The following C11orf91 variants were observed in gnomAD, a reference collection of about 807,000 sequenced individuals.
C11orf91 encodes chromosome 11 open reading frame 91, also known as uncharacterized protein C11orf91.
A neutral mutation model predicts 14.3 loss-of-function variants in C11orf91; 10 were observed. The observed-to-expected ratio is 0.70, with a 90% CI of 0.43 to 1.18. C11orf91 has a LOEUF of 1.18. Among genes scored for constraint, C11orf91 ranks in the 50% most tolerant of loss-of-function variants. The pLI is 0.00. For missense variants in C11orf91, 236 were observed against 269.0 expected (o/e 0.88, Z 0.86); for synonymous variants, 141 against 130.6 (o/e 1.08, Z -0.54).
upstream of C11orf91, chr11:33,703,487 C>G (rs1295127477): frequency 2.6e-5 from 4 of 152,246 alleles, no homozygotes; most frequent in African/African-American, 9.6e-5. Context: ...TAAGTACCAT[C>G]CTGTTGGAGC....
At chr11:33,699,332 C>T (rs1853082080) in intron 1 of C11orf91, among the ~76,000 whole-genome samples, 1 of 152,168 alleles carries the variant, frequency 6.6e-6, no homozygotes, top group African/African-American at 2.4e-5. Flanking sequence ...CTTCCCTTCT[C>T]TGTGTGGCAG....
chr11:33,699,004 G>A (rs1482958265), intron 1 of C11orf91, among the ~76,000 whole-genome samples: 4 of 151,846 alleles, frequency 2.6e-5, no homozygotes, highest in Admixed American at 2.0e-4. Flanking sequence ...GGTCCTCAAT[G>A]ATCCTCTTGT....
upstream of C11orf91, chr11:33,704,431 G>A (rs889351923): frequency 3.9e-5 from 6 of 152,082 alleles, no homozygotes; most frequent in African/African-American, 1.4e-4. Context: ...GATGAATGAG[G>A]AAAATGCAGC....
upstream of C11orf91, chr11:33,703,739 TC>T (rs962103760): frequency 3.3e-5 from 5 of 152,132 alleles, no homozygotes; most frequent in African/African-American, 1.2e-4. Context: ...CAGGACTGAT[TC>T]TTCCTCCAGC....
chr11:33,700,958 T>C (rs1590498048), upstream of C11orf91, among the ~76,000 whole-genome samples: 2 of 152,058 alleles, frequency 1.3e-5, no homozygotes, highest in South Asian at 2.1e-4. Context: ...CACCCCGCAG[T>C]TAGAAAGCCA....
chr11:33,706,094 C>T, the C11orf91 span: 1 of 152,066 alleles, frequency 6.6e-6, no homozygotes, highest in African/African-American at 2.4e-5. Flanking sequence ...AGTTCAGTCC[C>T]CTGCTGGGTG....
chr11:33,700,525 C>CCG lies in C11orf91; in HGVS notation c.215_216insCG (p.Ala73GlyfsTer98). The CCG allele has an allele frequency of 1.9e-6, 1 of 526,468 alleles. No individual in the cohort carries two copies. Among genetic ancestry groups the CCG allele is most frequent in the Non-Finnish European group, 2.7e-6 (1 of 373,428 alleles). 32.6% of individuals were successfully genotyped at this position (526,468 alleles called of 1,614,324 possible). On this transcript the variant is annotated frameshift_variant, in exon 1 of 2. Coordinates refer to ENST00000379011, the MANE Select transcript of C11orf91 (RefSeq NM_001166692.2). LOFTEE classifies it high-confidence loss of function. ...CGGGTGGTGGCGGGGGCGGGGGCGCCGGGGCGGGGAGCGCCTGGGACAGGG... is the reference window on the plus strand; with the variant it reads ...CGGGTGGTGGCGGGGGCGGGGGCGCCCGGGGGCGGGGAGCGCCTGGGACAGGG...
At chr11:33,701,451 A>G (rs1012960856), upstream of C11orf91, among the ~76,000 whole-genome samples, 5 of 152,344 alleles carry the variant, frequency 3.3e-5, no homozygotes, top group African/African-American at 1.2e-4. Flanking sequence ...AAACACAGAT[A>G]TCACCAGGAG....
upstream of C11orf91, among the ~76,000 whole-genome samples, chr11:33,701,771 G>A (rs1853131957): frequency 6.6e-6 from 1 of 151,978 alleles, no homozygotes; most frequent in Non-Finnish European, 1.5e-5. Flanking sequence ...GTGTGTGTGT[G>A]TGTGTGTGTG....
upstream of C11orf91, chr11:33,702,816 T>G: frequency 4.0e-6 from 1 of 249,322 alleles, no homozygotes; most frequent in Non-Finnish European, 8.4e-6. Flanking sequence ...GACTCAAGAC[T>G]TGGGACCAAA....
chr11:33,699,699 G>A (rs1853088467), intron 1 of C11orf91: 4 of 453,608 alleles, frequency 8.8e-6, no homozygotes, highest in Admixed American at 4.7e-5. Flanking sequence ...GTCCCAGGGG[G>A]GCTGCCCCCC....
rs1853108641 is a variant in C11orf91, at chr11:33,700,598, G to C, written c.143C>G (p.Pro48Arg). 2 of 1,462,888 alleles carry C rather than the reference G, an allele frequency of 1.4e-6. No homozygotes were observed. The highest frequency in any genetic ancestry group is 2.4e-5 in the Admixed American group (1 of 42,346). The allele number at this position is 1,462,888 out of a possible 1,614,324, so 90.6% of individuals were successfully genotyped here. A position where few individuals can be genotyped will look rare whatever the true frequency, so the allele number is the denominator to read the frequency against. The change falls in exon 1 of 2, where the codon CCG becomes CGG. Residue 48 changes from proline to arginine, a missense_variant. Pro to Arg is a moderately radical substitution (Grantham distance 103, BLOSUM62 -2). Coordinates refer to ENST00000379011, the MANE Select transcript of C11orf91 (RefSeq NM_001166692.2). ...CACTGGCGCCCCGCCCGCCTTCAGC[G>C]GCACGAAGAGCTTCTTCCAGATGTT... ...DFNIWKKLFV[P>R]LKAGGAPVGG...
rs2133498174 is a variant in C11orf91, at chr11:33,700,569, C to T, written c.172G>A (p.Gly58Arg). 1.4e-6 allele frequency: 2 copies of T among 1,452,276 alleles called. No homozygotes were observed. Among genetic ancestry groups the T allele is most frequent in the African/African-American group, 1.5e-5 (1 of 68,366 alleles). The allele number at this position is 1,452,276 out of a possible 1,614,324, so 90.0% of individuals were successfully genotyped here. ...PLKAGGAPVG[G>R]AAGARSLSQA... ...GACAGGGACCGGGCCCCCGCCGCCC[C>T]GCCCACTGGCGCCCCGCCCGCCTTC... The change falls in exon 1 of 2, where the codon GGG becomes AGG. Residue 58 changes from glycine to arginine, a missense_variant. Gly to Arg is a moderately radical substitution (Grantham distance 125, BLOSUM62 -2). Transcript: ENST00000379011.
upstream of C11orf91, chr11:33,702,575 A>G (rs1194140195): frequency 6.3e-6 from 1 of 158,538 alleles, no homozygotes; most frequent in Non-Finnish European, 1.4e-5. Context: ...TTGTCTTATC[A>G]CTTTTCTACA....
chr11:33,699,673 G>A, intron 1 of C11orf91: 1 of 456,056 alleles, frequency 2.2e-6, no homozygotes, highest in South Asian at 1.5e-5. Flanking sequence ...AGAACTACCG[G>A]CGCCAAGGCC....
upstream of C11orf91, chr11:33,702,624 A>G: frequency 5.1e-6 from 1 of 194,702 alleles, no homozygotes; most frequent in Non-Finnish European, 1.1e-5. Flanking sequence ...CTCTCAAGCC[A>G]CTTCTTTGGG....
rs1853061547 is a variant in C11orf91, at chr11:33,698,433, G to C, written c.578C>G (p.Ser193Cys). ...KQPGKKSASL[S>C] ...CAAGCTCTGGTAGGCAGCTCCTCAG[G>C]AGAGAGAGGCCGACTTCTTTCCAGG... The change falls in exon 2 of 2, where the codon TCC (serine) becomes TGC (cysteine). Residue 193 changes from serine to cysteine, a missense_variant. By Grantham distance (112) the Ser-to-Cys change is moderately radical. Coordinates refer to ENST00000379011, the MANE Select transcript of C11orf91 (RefSeq NM_001166692.2). 1 of 1,535,790 alleles carries C rather than the reference G, an allele frequency of 6.5e-7. No individual in the cohort carries two copies. Among genetic ancestry groups the C allele is most frequent in the African/African-American group, 1.4e-5 (1 of 73,124 alleles).
At chr11:33,699,748 A>AG (rs1346423937) in intron 1 of C11orf91, 11 of 412,844 alleles carry the variant, frequency 2.7e-5, no homozygotes, top group Non-Finnish European at 5.4e-5. Context: ...TGCCCTGGAA[A>AG]CGGCCTTGGG....
Position 33,700,608 on chromosome 11 carries a change from GCTT to G in C11orf91, c.130_132del (p.Lys44del), listed in dbSNP as rs1219782432. ...CCGCCCGCCTTCAGCGGCACGAAGA[GCTT>G]CTTCCAGATGTTGAAGTCGCTGAGC... On this transcript the variant is annotated inframe_deletion, in exon 1 of 2. Transcript: ENST00000379011. 30 of 1,472,344 alleles carry G rather than the reference GCTT, an allele frequency of 2.0e-5. No individual in the cohort carries two copies. Among genetic ancestry groups the G allele is most frequent in the Middle Eastern group, 2.1e-4 (1 of 4,692 alleles). 91.2% of individuals were successfully genotyped at this position (1,472,344 alleles called of 1,614,324 possible). A position where few individuals can be genotyped will look rare whatever the true frequency, so the allele number is the denominator to read the frequency against.
Sources: allele counts gnomAD v4.1 joint callset (sites outside exome capture counted in the v4.1 genomes callset), GRCh38; gene constraint gnomAD v4.1.1; transcripts MANE v1.5; gene names NCBI Gene and HGNC (gene_info 2026-07-23, HGNC 2026-07-21).